The following LRFN1 variants were observed in gnomAD, a reference collection of about 807,000 sequenced individuals.
The protein encoded by LRFN1 is leucine-rich repeat and fibronectin type III domain-containing protein 1.
In LRFN1, 20 loss-of-function variants were observed where a neutral mutation model predicts 31.8. The ratio of observed to expected loss-of-function variants is 0.63; its 90% CI spans 0.44 to 0.91. The LOEUF (loss-of-function observed/expected upper bound fraction) is 0.91. LRFN1 is among the 40% of genes least tolerant of loss of function. The pLI, the probability that LRFN1 is intolerant of heterozygous loss-of-function variation, is 0.00. For synonymous variants in LRFN1, 514 were observed against 541.3 expected (o/e 0.95, Z 0.70); for missense variants, 912 against 1,129.8 (o/e 0.81, Z 2.76).
chr19:39,307,171 G>A lies in LRFN1; in HGVS notation c.*462C>T, dbSNP rs1600480082. On this transcript the variant is annotated 3_prime_UTR_variant, in exon 5 of 5. Coordinates refer to ENST00000248668, the MANE Select transcript of LRFN1 (RefSeq NM_020862.2). This position sits in a 1 kb window ranked among gnomAD's most constrained non-coding sequence, Gnocchi z 6.7. ...CCGACCGGACCAGGAATGTGCGTGG[G>A]GTGGGGTGGGAGGCTTTGGAGGCCG... 2.5e-6 allele frequency: 1 copy of A among 397,108 alleles called. No homozygotes were observed. Among genetic ancestry groups the A allele is most frequent in the Non-Finnish European group, 4.4e-6 (1 of 225,602 alleles). The allele number at this position is 397,108 out of a possible 1,614,324, so 24.6% of individuals were successfully genotyped here.
rs1401995960 is a variant in LRFN1, at chr19:39,314,280, C to T, written c.1057G>A (p.Gly353Arg). Residue 353 changes from glycine (G) to arginine (R), a missense_variant, in exon 4 of 5, where the codon GGG (glycine) becomes AGG (arginine). Gly to Arg is a moderately radical substitution (Grantham distance 125). Coordinates refer to ENST00000248668, the MANE Select transcript of LRFN1 (RefSeq NM_020862.2). ...NSSRTRVRGD[G>R]TLDVTITTLR... The stretch of plus-strand genomic sequence containing the variant: ...GTGGTGATGGTCACATCCAGCGTCC[C>T]GTCCCCCCGGACCCGGGTCCGGCTG... The T allele has an allele frequency of 1.2e-6, 2 of 1,612,246 alleles. No individual in the cohort carries two copies. The highest frequency in any genetic ancestry group is 1.1e-5 in the South Asian group (1 of 90,902).
rs1022378761 is a variant in LRFN1, at chr19:39,308,644, T to A, written c.1407-102A>T. The A allele has an allele frequency of 1.2e-5, 13 of 1,092,660 alleles. No individual in the cohort carries two copies. The African/African-American group carries it at 1.7e-4, about 15-fold the overall frequency. The allele number at this position is 1,092,660 out of a possible 1,614,324, so 67.7% of individuals were successfully genotyped here. A position where few individuals can be genotyped will look rare whatever the true frequency, so the allele number is the denominator to read the frequency against. On this transcript the variant is annotated intron_variant, in intron 4 of 4. Transcript: ENST00000248668. This position sits in a 1 kb window ranked among gnomAD's most constrained non-coding sequence, Gnocchi z 6.2. ...GAACAGTGGGGACTAAACCCTGCTATCGAAGTCTCAGCCGCTACTGAGACA... is the reference window on the plus strand; with the variant it reads ...GAACAGTGGGGACTAAACCCTGCTAACGAAGTCTCAGCCGCTACTGAGACA...
chr19:39,316,471 C>T lies in LRFN1; in HGVS notation c.-92-335G>A, dbSNP rs188801505. On this transcript the variant is annotated intron_variant, in intron 2 of 4. Coordinates refer to ENST00000248668, the MANE Select transcript of LRFN1 (RefSeq NM_020862.2). ...TGTACCATCTTCATTCATGTACCAC[C>T]GACCATGCCTGGCATACAGTAAGTA... Among the ~76,000 whole-genome samples, 190 of 152,272 alleles carry T rather than the reference C, an allele frequency of 1.2e-3. 1 individual carries two copies. The highest frequency in any genetic ancestry group is 3.7e-3 in the African/African-American group (155 of 41,534).
chr19:39,313,402 G>T (rs1016161751), intron 4 of LRFN1, among the ~76,000 whole-genome samples: 3 of 152,122 alleles, frequency 2.0e-5, no homozygotes, highest in African/African-American at 7.2e-5. Flanking sequence ...GTGTTGGTGG[G>T]TATCTGTAAT....
chr19:39,318,621 C>A (rs1192961333), intron 1 of LRFN1, among the ~76,000 whole-genome samples: 1 of 152,108 alleles, frequency 6.6e-6, no homozygotes, highest in Non-Finnish European at 1.5e-5. Flanking sequence ...AGCCAAGAAC[C>A]CCAGCCCCCT....
chr19:39,307,659 C>T lies in LRFN1; in HGVS notation c.2290G>A (p.Glu764Lys), dbSNP rs934429789. Residue 764 changes from glutamate to lysine, a missense_variant, in exon 5 of 5, where the codon GAG (glutamate) becomes AAG (lysine). Physicochemically the swap from Glu to Lys is moderately conservative, Grantham distance 56. This residue lies in a region of LRFN1 where 511 missense variants were observed against 557.0 expected (regional missense o/e 0.92). Coordinates refer to ENST00000248668, the MANE Select transcript of LRFN1 (RefSeq NM_020862.2). The surrounding 1 kb of genome is among the most constrained non-coding windows in gnomAD (Gnocchi z 6.7). ...ARACLAFTSTEWMLESTV is the reference protein window; with the variant it reads ...ARACLAFTSTKWMLESTV ...CACACGGTACTCTCCAGCATCCACT[C>T]GGTGCTGGTGAAAGCCAGGCACGCC... is the stretch of plus-strand genomic sequence containing the variant. 2 of 1,482,206 alleles carry T rather than the reference C, an allele frequency of 1.3e-6. No individual in the cohort carries two copies. The highest frequency in any genetic ancestry group is 5.4e-5 in the East Asian group (2 of 36,764). The allele number at this position is 1,482,206 out of a possible 1,614,324, so 91.8% of individuals were successfully genotyped here.
At chr19:39,317,537 G>C (rs2145039046) in intron 2 of LRFN1, among the ~76,000 whole-genome samples, 1 of 152,242 alleles carries the variant, frequency 6.6e-6, no homozygotes, top group East Asian at 1.9e-4. Flanking sequence ...CAAATGGAGG[G>C]AATAATAATA....
chr19:39,315,360 G>A lies in LRFN1; in HGVS notation c.-24C>T. The A allele has an allele frequency of 1.4e-6, 2 of 1,437,652 alleles. No individual in the cohort carries two copies. Among genetic ancestry groups the A allele is most frequent in the Non-Finnish European group, 1.8e-6 (2 of 1,099,008 alleles). 89.1% of individuals were successfully genotyped at this position (1,437,652 alleles called of 1,614,324 possible). ...ATGGTGCAGTGGGAAGGCAGGAGGG[G>A]TGGGAGGTGAGACCTGCCGGGGAAG... is the stretch of plus-strand genomic sequence containing the variant. On this transcript the variant is annotated 5_prime_UTR_variant, in exon 4 of 5. Transcript: ENST00000248668. This position sits in a 1 kb window ranked among gnomAD's most constrained non-coding sequence, Gnocchi z 4.7.
intron 1 of LRFN1, among the ~76,000 whole-genome samples, chr19:39,320,057 G>A (rs538950657): frequency 1.5e-5 from 2 of 131,388 alleles, no homozygotes; most frequent in South Asian, 2.4e-4. Context: ...TCCATTTCTC[G>A]GCCTCTCATC....
chr19:39,320,479 C>T (rs1477013878), intron 1 of LRFN1, among the ~76,000 whole-genome samples: 1 of 152,022 alleles, frequency 6.6e-6, no homozygotes, highest in Non-Finnish European at 1.5e-5. Flanking sequence ...ACAACCCACG[C>T]ACACACACAC....
Position 39,307,912 on chromosome 19 carries a change from TG to T in LRFN1, c.2036del (p.Pro679HisfsTer9). The T allele has an allele frequency of 6.4e-7, 1 of 1,566,492 alleles. No homozygotes were observed. ...PRRSRSGALE[P>X]PTSAPPTLAL... Reference sequence around the variant, plus strand: ...CTAGAGTAGGGGGCGCCGAGGTTGGTGGCTCCAGGGCGCCGGATCGGCTCCT... The same window carrying T: ...CTAGAGTAGGGGGCGCCGAGGTTGGTGCTCCAGGGCGCCGGATCGGCTCCT... On this transcript the variant is annotated frameshift_variant, in exon 5 of 5. Transcript: ENST00000248668. LOFTEE classifies it high-confidence loss of function. This position sits in a 1 kb window ranked among gnomAD's most constrained non-coding sequence, Gnocchi z 6.7.
At position 39,308,688 on chromosome 19, in the gene LRFN1, C is replaced by G; in HGVS notation, c.1407-146G>C. ...TGAGACAACAGCAGCAATTCAAGCC[C>G]CGCCTCCATCAACATATTCCCACCC... is the stretch of plus-strand genomic sequence containing the variant. On this transcript the variant is annotated intron_variant, in intron 4 of 4. Transcript: ENST00000248668. This position sits in a 1 kb window ranked among gnomAD's most constrained non-coding sequence, Gnocchi z 6.2. 1 of 738,370 alleles carries G rather than the reference C, an allele frequency of 1.4e-6. No homozygotes were observed. Among genetic ancestry groups the G allele is most frequent in the Non-Finnish European group, 2.2e-6 (1 of 462,906 alleles). 45.7% of individuals were successfully genotyped at this position (738,370 alleles called of 1,614,324 possible). A position where few individuals can be genotyped will look rare whatever the true frequency, so the allele number is the denominator to read the frequency against.
In LRFN1 at chr19:39,314,895, G is replaced by A. The variant is rs1380131506; in HGVS notation, c.442C>T (p.Gln148Ter). 3 of 1,609,688 alleles carry A rather than the reference G, an allele frequency of 1.9e-6. No homozygotes were observed. Among genetic ancestry groups the A allele is most frequent in the Non-Finnish European group, 2.5e-6 (3 of 1,178,362 alleles). The change falls in exon 4 of 5, where the codon CAG becomes TAG. Residue 148 changes from glutamine to a stop codon, truncating the protein, a stop_gained. Transcript: ENST00000248668. LOFTEE classifies it high-confidence loss of function. The stretch of plus-strand genomic sequence containing the variant: ...GCCGCCGACTCCACCCGGCGGATCT[G>A]GTTGTTTCCAAGGATCAGGTGGCGG... ...NLRHLILGNN[Q>*]IRRVESAAFD... is the part of the protein sequence containing the mutation.
At chr19:39,313,001 G>A (rs2075156175) in intron 4 of LRFN1, among the ~76,000 whole-genome samples, 1 of 152,106 alleles carries the variant, frequency 6.6e-6, no homozygotes, top group African/African-American at 2.4e-5. Flanking sequence ...CCTAACGAGG[G>A]CAGAGAAGGT....
In LRFN1 at chr19:39,314,999, C is replaced by T. The variant is rs781407497; in HGVS notation, c.338G>A (p.Arg113His). The change falls in exon 4 of 5, where the codon CGT becomes CAT. Residue 113 changes from arginine (R) to histidine (H), a missense_variant. Arg to His is a conservative substitution (Grantham distance 29). This residue lies in a region of LRFN1 where 401 missense variants were observed against 572.7 expected (regional missense o/e 0.70). Transcript: ENST00000248668. Reference sequence around the variant, plus strand: ...GTCCAGGTGCAGGGCCCGGAGGGCACGCAGGTCGGCGAAGGCGCCAGCTGC... The same window carrying T: ...GTCCAGGTGCAGGGCCCGGAGGGCATGCAGGTCGGCGAAGGCGCCAGCTGC... ...QVAAGAFADL[R>H]ALRALHLDSN... The T allele has an allele frequency of 3.8e-6, 6 of 1,591,774 alleles. No homozygotes were observed. The South Asian group carries it at 4.5e-5, about 12-fold the overall frequency.
intron 2 of LRFN1, among the ~76,000 whole-genome samples, chr19:39,317,877 C>T (rs894530295): frequency 6.6e-5 from 10 of 152,144 alleles, no homozygotes; most frequent in Admixed American, 6.5e-4. Flanking sequence ...CCAGCTTTCT[C>T]AGCCACCAGG....
Position 39,308,158 on chromosome 19 carries a change from C to G in LRFN1, c.1791G>C (p.Pro597=). The G allele has an allele frequency of 6.4e-7, 1 of 1,558,446 alleles. No individual in the cohort carries two copies. Among genetic ancestry groups the G allele is most frequent in the Non-Finnish European group, 8.7e-7 (1 of 1,153,010 alleles). ...NGAGTGAAQA[P]ALPAQDHYEA... ...CGTAGTGGTCCTGGGCCGGCAGGGC[C>G]GGGGCCTGTGCCGCGCCTGTGCCTG... Residue 597 remains proline, a synonymous_variant, in exon 5 of 5, where the codon CCG becomes CCC. Coordinates refer to ENST00000248668, the MANE Select transcript of LRFN1 (RefSeq NM_020862.2). This position sits in a 1 kb window ranked among gnomAD's most constrained non-coding sequence, Gnocchi z 6.2.
rs555643766 is a variant in LRFN1 at position 39,308,244 on chromosome 19, G to A, written c.1705C>T (p.Arg569Cys). The change falls in exon 5 of 5, where the codon CGC (arginine) becomes TGC (cysteine). Residue 569 changes from arginine to cysteine, a missense_variant. Arg to Cys is a radical substitution (Grantham distance 180). Coordinates refer to ENST00000248668, the MANE Select transcript of LRFN1 (RefSeq NM_020862.2). The surrounding 1 kb of genome is among the most constrained non-coding windows in gnomAD (Gnocchi z 6.2). ...GGGAGCGACCTGGAGCCCTTGACGC[G>A]GCGGCTGTCCCCGTCGCCATACACC... Reference protein sequence around the residue: ...YKVYGDGDSRRVKGSRSLPRV... With the variant: ...YKVYGDGDSRCVKGSRSLPRV... The A allele has an allele frequency of 4.3e-6, 7 of 1,612,458 alleles. No homozygotes were observed. In the African/African-American group the frequency reaches 6.7e-5, roughly 15 times the overall value.
At chr19:39,313,905 C>CAAG (rs759267667) in intron 4 of LRFN1, 26 bp downstream of exon 4, 4 of 1,562,918 alleles carry the variant, frequency 2.6e-6, no homozygotes, top group Non-Finnish European at 3.5e-6. Flanking sequence ...GGGAGGAGGC[C>CAAG]CTGGGACTGC....
Sources: allele counts gnomAD v4.1 joint callset (sites outside exome capture counted in the v4.1 genomes callset), GRCh38; gene constraint gnomAD v4.1.1; regional missense constraint gnomAD v4.1.1; non-coding constraint Gnocchi (gnomAD v3.1); transcripts MANE v1.5; gene names NCBI Gene and HGNC (gene_info 2026-07-23, HGNC 2026-07-21).